Variants in DCDC2 observed in about 807,000 individuals in gnomAD.
DCDC2 encodes doublecortin domain-containing protein 2.
A neutral mutation model predicts 50.2 loss-of-function variants in DCDC2; 40 were observed. The observed-to-expected ratio is 0.80, with a 90% confidence interval of 0.62 to 1.04. The LOEUF (loss-of-function observed/expected upper bound fraction) is 1.04. Among genes scored for constraint, DCDC2 ranks in the 50% least tolerant of loss-of-function variants. DCDC2 has a pLI of 0.00. For synonymous variants in DCDC2, 234 were observed against 210.6 expected (o/e 1.11, Z -0.96); for missense variants, 570 against 581.9 (o/e 0.98, Z 0.21).
chr6:24,314,064 G>T (rs898437417), intron 2 of DCDC2, among the ~76,000 whole-genome samples: 1 of 152,176 alleles, frequency 6.6e-6, no homozygotes, highest in Admixed American at 6.5e-5. Flanking sequence ...TCAGCTACAG[G>T]ATGAGGGCAC....
chr6:24,383,186 C>T, the DCDC2 span, among the ~76,000 whole-genome samples: 5 of 151,954 alleles, frequency 3.3e-5, no homozygotes, highest in Non-Finnish European at 5.9e-5. Flanking sequence ...ATTACCTGGG[C>T]GTGGTGGCGC....
intron 2 of DCDC2, among the ~76,000 whole-genome samples, chr6:24,332,406 G>A (rs1759983441): frequency 6.6e-6 from 1 of 152,098 alleles, no homozygotes; most frequent in African/African-American, 2.4e-5. Context: ...AGACCACATG[G>A]AAAAGTCAGG....
chr6:24,358,741 TTTTATTTATTTA>T (rs1554121603), upstream of DCDC2, among the ~76,000 whole-genome samples: 6 of 2,156 alleles, frequency 2.8e-3, no homozygotes, highest in Admixed American at 0.015. Flanking sequence ...TTTATATATA[TTTTATTTATTTA>T]TTTATATATT....
At chr6:24,186,464 C>T (rs1761205642) in intron 8 of DCDC2, among the ~76,000 whole-genome samples, 1 of 152,202 alleles carries the variant, frequency 6.6e-6, no homozygotes, top group South Asian at 2.1e-4. Flanking sequence ...ATCACAAACA[C>T]ACATACCTGC....
chr6:24,252,403 T>C (rs2113799800), intron 7 of DCDC2, among the ~76,000 whole-genome samples: 1 of 152,304 alleles, frequency 6.6e-6, no homozygotes, highest in South Asian at 2.1e-4. Context: ...GATTGGCTCC[T>C]TTAACAAATA....
the DCDC2 span, among the ~76,000 whole-genome samples, chr6:24,380,852 G>A: frequency 6.6e-6 from 1 of 152,156 alleles, no homozygotes; most frequent in African/African-American, 2.4e-5. Flanking sequence ...CCAGAACTGT[G>A]GGAGGCCCAG....
At chr6:24,178,211 A>G (rs748080362) in intron 9 of DCDC2, 119 bp downstream of exon 9, 222 of 987,228 alleles carry the variant, frequency 2.2e-4, no homozygotes, top group Non-Finnish European at 3.2e-4. Context: ...GATCTTTCCT[A>G]CTCAACCACA....
At chr6:24,347,223 G>A (rs1005959096) in intron 2 of DCDC2, among the ~76,000 whole-genome samples, 2 of 152,114 alleles carry the variant, frequency 1.3e-5, no homozygotes, top group African/African-American at 2.4e-5. Context: ...TTGAATCAAA[G>A]AAATCTGCCT....
intron 7 of DCDC2, among the ~76,000 whole-genome samples, chr6:24,273,052 T>C (rs565854100): frequency 2.2e-5 from 2 of 91,716 alleles, no homozygotes; most frequent in African/African-American, 3.5e-5. Context: ...TATGTGTATA[T>C]AGATGTAGAT....
chr6:24,258,275 C>CG (rs1004856774), intron 7 of DCDC2, among the ~76,000 whole-genome samples: 20 of 152,038 alleles, frequency 1.3e-4, no homozygotes, highest in African/African-American at 3.4e-4. Flanking sequence ...TGGCTGGGGG[C>CG]GGGGGGTGGC....
At chr6:24,266,083 T>A (rs1763115467) in intron 7 of DCDC2, among the ~76,000 whole-genome samples, 2 of 151,938 alleles carry the variant, frequency 1.3e-5, no homozygotes, top group Non-Finnish European at 2.9e-5. Context: ...GACAAGAACA[T>A]ACACTGGGGA....
chr6:24,188,580 C>T (rs1302859081), intron 8 of DCDC2, among the ~76,000 whole-genome samples: 4 of 152,150 alleles, frequency 2.6e-5, no homozygotes, highest in Non-Finnish European at 2.9e-5. Context: ...TCAAAGTCTT[C>T]ATCTCCCTGA....
chr6:24,227,493 C>G (rs902717283), intron 7 of DCDC2, among the ~76,000 whole-genome samples: 14 of 152,280 alleles, frequency 9.2e-5, no homozygotes, highest in Middle Eastern at 3.4e-3. Flanking sequence ...AGAGACGAAG[C>G]CAGACCCGTC....
chr6:24,180,964 C>T (rs1420179394), intron 8 of DCDC2, among the ~76,000 whole-genome samples: 1 of 152,182 alleles, frequency 6.6e-6, no homozygotes, highest in African/African-American at 2.4e-5. Flanking sequence ...GATTTAATTA[C>T]ATGATACCAA....
chr6:24,182,892 G>A (rs899044084), intron 8 of DCDC2, among the ~76,000 whole-genome samples: 1 of 152,142 alleles, frequency 6.6e-6, no homozygotes, highest in South Asian at 2.1e-4. Flanking sequence ...CTTAAAATGT[G>A]GAAGCAACCC....
At position 24,174,760 on chromosome 6, in the gene DCDC2, T is replaced by A; in HGVS notation, c.1401A>T (p.Gln467His). ...ITSPEENENN[Q>H]QNKDYAAVA The stretch of plus-strand genomic sequence containing the variant: ...CCACGGCAGCATAGTCCTTGTTTTG[T>A]TGGTTGTTTTCATTTTCTTCTGGAC... Residue 467 changes from glutamine to histidine, a missense_variant, in exon 10 of 10, where the codon CAA becomes CAT. Physicochemically the swap from Gln to His is conservative, Grantham distance 24. Transcript: ENST00000378454. 1.2e-6 allele frequency: 2 copies of A among 1,613,780 alleles called. No homozygotes were observed. Among genetic ancestry groups the A allele is most frequent in the Non-Finnish European group, 1.7e-6 (2 of 1,179,812 alleles).
At chr6:24,206,680 ATG>A (rs1449297425) in intron 7 of DCDC2, among the ~76,000 whole-genome samples, 2 of 152,224 alleles carry the variant, frequency 1.3e-5, no homozygotes, top group African/African-American at 4.8e-5. Context: ...TGGTTTGCAG[ATG>A]TGTTTTAGAA....
intron 7 of DCDC2, among the ~76,000 whole-genome samples, chr6:24,237,978 A>G (rs1223192674): frequency 1.3e-5 from 2 of 150,238 alleles, no homozygotes; most frequent in African/African-American, 4.9e-5. Flanking sequence ...TACTATACTT[A>G]CTACCCAAGT....
intron 7 of DCDC2, among the ~76,000 whole-genome samples, chr6:24,249,487 G>A (rs954729500): frequency 6.6e-6 from 1 of 152,170 alleles, no homozygotes; most frequent in Non-Finnish European, 1.5e-5. Context: ...ATGATATACA[G>A]TAATGTAGCT....
Sources: gnomAD v4.1 joint callset for allele counts (sites outside exome capture counted in the v4.1 genomes callset) on GRCh38, gnomAD v4.1.1 for gene constraint, MANE v1.5 for transcripts, NCBI Gene and HGNC (gene_info 2026-07-23, HGNC 2026-07-21) for gene names.